Variants in UBA2 observed in about 807,000 individuals in gnomAD.
The protein encoded by UBA2 is ubiquitin like modifier activating enzyme 2.
In UBA2, 11 loss-of-function variants were observed where a neutral mutation model predicts 77.2. The observed-to-expected ratio is 0.14, with a 90% confidence interval of 0.09 to 0.24. The LOEUF (loss-of-function observed/expected upper bound fraction) is 0.24. UBA2 is among the 10% of genes least tolerant of loss of function. UBA2 has a pLI of 1.00. For synonymous variants in UBA2, 278 were observed against 276.7 expected, an observed-to-expected ratio of 1.00 and a Z score of -0.05; for missense variants, 487 against 781.7, an observed-to-expected ratio of 0.62 and a Z score of 4.50.
chr19:34,435,085 CT>C, intron 5 of UBA2, 117 bp downstream of exon 5: 1 of 730,048 alleles, frequency 1.4e-6, no homozygotes, highest in Non-Finnish European at 2.2e-6. Context: ...AATGTAAGGA[CT>C]TTTATGCTTA....
At chr19:34,450,503 C>A in intron 9 of UBA2, 139 bp downstream of exon 9, 1 of 529,428 alleles carries the variant, frequency 1.9e-6, no homozygotes, top group Admixed American at 4.1e-5. Flanking sequence ...GAACAAAAGT[C>A]ACTGAAGTCC....
chr19:34,468,422 C>G (rs189202284), intron 16 of UBA2, among the ~76,000 whole-genome samples: 30 of 152,274 alleles, frequency 2.0e-4, no homozygotes, highest in Admixed American at 1.9e-3. Context: ...TATTGATTCT[C>G]TACTGTGGGT....
chr19:34,438,276 A>T (rs1442886903), intron 5 of UBA2, among the ~76,000 whole-genome samples: 1 of 151,420 alleles, frequency 6.6e-6, no homozygotes, highest in African/African-American at 2.4e-5. Flanking sequence ...TTTAGATAAC[A>T]TTTACAACTT....
chr19:34,464,882 G>T lies in UBA2; in HGVS notation c.1604+751G>T, dbSNP rs569229287. 4.6e-5 allele frequency among the ~76,000 whole-genome samples: 7 copies of T among 152,260 alleles called. No homozygotes were observed. The South Asian group carries it at 1.5e-3, about 32-fold the overall frequency. ...CCCAGCATTTTGGGAGGTCGAGGCG[G>T]GTGGATCACCTGAGATCAGGAGTTT... On this transcript the variant is annotated intron_variant, in intron 15 of 16. Transcript: ENST00000246548.
At position 34,452,162 on chromosome 19, in the gene UBA2, T is replaced by C. The variant is rs777935548; in HGVS notation, c.1038+15T>C. 1 of 1,566,142 alleles carries C rather than the reference T, an allele frequency of 6.4e-7. No individual in the cohort carries two copies. Among genetic ancestry groups the C allele is most frequent in the Non-Finnish European group, 8.7e-7 (1 of 1,149,728 alleles). On this transcript the variant is annotated intron_variant, in intron 10 of 16. Coordinates refer to ENST00000246548, the MANE Select transcript of UBA2 (RefSeq NM_005499.3). ...TATGGGATAAGGTTCGTTTTGACAA[T>C]GTGTGGCAAGTACTTACATGTCAAA...
intron 4 of UBA2, 149 bp downstream of exon 4, chr19:34,433,561 G>A: frequency 1.6e-6 from 1 of 627,262 alleles, no homozygotes; most frequent in Non-Finnish European, 2.8e-6. Flanking sequence ...CCCATTGATT[G>A]CAGTTTTATA....
intron 6 of UBA2, among the ~76,000 whole-genome samples, chr19:34,441,872 G>A (rs1287272441): frequency 6.7e-6 from 1 of 150,298 alleles, no homozygotes; most frequent in African/African-American, 2.4e-5. Flanking sequence ...AGTGAATGGA[G>A]ATCATGCTAC....
At chr19:34,428,653 G>A in intron 1 of UBA2, 83 bp downstream of exon 1, 1 of 1,204,494 alleles carries the variant, frequency 8.3e-7, no homozygotes, top group Admixed American at 4.1e-5. Flanking sequence ...CAGGGGCTCT[G>A]AGGCTCAGGG....
chr19:34,440,023 T>C (rs183566100), intron 6 of UBA2, among the ~76,000 whole-genome samples: 80 of 152,136 alleles, frequency 5.3e-4, no homozygotes, highest in Non-Finnish European at 9.4e-4. Context: ...GGTAAATACA[T>C]TTTTAAAAAC....
At chr19:34,450,446 G>C in intron 9 of UBA2, 82 bp downstream of exon 9, 1 of 905,266 alleles carries the variant, frequency 1.1e-6, no homozygotes. Flanking sequence ...GTTGTTGCTT[G>C]AAAATGATAT....
intron 16 of UBA2, 145 bp from the exon 17 acceptor site, chr19:34,468,895 T>C (rs2075713108): frequency 6.7e-6 from 4 of 592,924 alleles, no homozygotes; most frequent in Non-Finnish European, 1.1e-5. Flanking sequence ...AGTATGGAAA[T>C]ACGTAATGTG....
chr19:34,457,179 AAT>A lies in UBA2; in HGVS notation c.1246-1556_1246-1555del, dbSNP rs766043321. On this transcript the variant is annotated intron_variant, in intron 12 of 16. Transcript: ENST00000246548. ...CCTGGTCTCTACTAAAAAAAAAAAA[AAT>A]ATATATATATATATATATATATATA... Among the ~76,000 whole-genome samples the A allele has an allele frequency of 1.9e-3, 99 of 53,220 alleles. 4 individuals carry two copies. Among genetic ancestry groups the A allele is most frequent in the African/African-American group, 6.6e-3 (56 of 8,524 alleles). The allele number at this position is 53,220 out of a possible 152,430, so 34.9% of individuals were successfully genotyped here. A position where few individuals can be genotyped will look rare whatever the true frequency, so the allele number is the denominator to read the frequency against.
intron 15 of UBA2, 103 bp from the exon 16 acceptor site, chr19:34,466,775 T>C: frequency 1.2e-6 from 1 of 832,080 alleles, no homozygotes; most frequent in Non-Finnish European, 1.8e-6. Context: ...AATCCACATA[T>C]TTGGTGTATA....
chr19:34,438,594 T>C, intron 5 of UBA2, 51 bp from the exon 6 acceptor site: 1 of 1,606,672 alleles, frequency 6.2e-7, no homozygotes, highest in Non-Finnish European at 8.5e-7. Context: ...CCTTATAATG[T>C]TGAGAAACTG....
chr19:34,436,337 TTGCCCAGG>T (rs1158191234), intron 5 of UBA2, among the ~76,000 whole-genome samples: 4 of 152,108 alleles, frequency 2.6e-5, no homozygotes, highest in Non-Finnish European at 5.9e-5. Context: ...TTCGCTCTTG[TTGCCCAGG>T]CTGCAGTGCA....
intron 3 of UBA2, among the ~76,000 whole-genome samples, chr19:34,433,069 A>C (rs1354117877): frequency 6.6e-6 from 1 of 152,186 alleles, no homozygotes; most frequent in Non-Finnish European, 1.5e-5. Flanking sequence ...TGCCCAAAGA[A>C]GGCCTAGTGG....
intron 5 of UBA2, among the ~76,000 whole-genome samples, chr19:34,436,966 A>C (rs890403333): frequency 2.0e-5 from 3 of 152,232 alleles, no homozygotes; most frequent in Non-Finnish European, 4.4e-5. Context: ...TCTGCATTGC[A>C]GTATGAGTCT....
chr19:34,431,863 T>G lies in UBA2; in HGVS notation c.225T>G (p.Val75=). ...KKHVGRSKAQ[V]AKESVLQFYP... ...TTCAGTGTTGTTTATTTTTCCAGGT[T>G]GCCAAGGAAAGTGTACTGCAGTTTT... Residue 75 remains valine, a splice_region_variant and synonymous_variant, in exon 3 of 17, where the codon GTT becomes GTG. Coordinates refer to ENST00000246548, the MANE Select transcript of UBA2 (RefSeq NM_005499.3). The G allele has an allele frequency of 6.2e-7, 1 of 1,613,494 alleles. No individual in the cohort carries two copies. Among genetic ancestry groups the G allele is most frequent in the Non-Finnish European group, 8.5e-7 (1 of 1,179,640 alleles).
intron 14 of UBA2, among the ~76,000 whole-genome samples, chr19:34,463,671 C>T (rs2145566833): frequency 1.3e-5 from 2 of 152,162 alleles, no homozygotes; most frequent in African/African-American, 4.8e-5. Flanking sequence ...GTGGTACAGT[C>T]ACACGCCTCA....
Sources: allele counts gnomAD v4.1 joint callset (sites outside exome capture counted in the v4.1 genomes callset), GRCh38; gene constraint gnomAD v4.1.1; transcripts MANE v1.5; gene names NCBI Gene and HGNC (gene_info 2026-07-23, HGNC 2026-07-21).